The following FGF2 variants were observed in gnomAD, a reference collection of about 807,000 sequenced individuals.
The protein encoded by FGF2 is basic fibroblast growth factor bFGF.
In FGF2, 13 loss-of-function variants were observed where a neutral mutation model predicts 15.9. The observed-to-expected ratio is 0.82, with a 90% confidence interval of 0.53 to 1.30. The LOEUF (loss-of-function observed/expected upper bound fraction) is 1.30, where lower values mean the gene tolerates loss of function less well. Ranked by LOEUF, FGF2 falls within the 50% of genes most tolerant of loss-of-function variation. The probability of loss-of-function intolerance (pLI) is 0.00; values close to 1 mark genes in which losing one functional copy is unlikely to be tolerated. For synonymous variants in FGF2, 90 were observed against 78.4 expected, an observed-to-expected ratio of 1.15 and a Z score of -0.78; for missense variants, 163 against 196.9, an observed-to-expected ratio of 0.83 and a Z score of 1.03.
In FGF2 at chr4:122,827,945, A is replaced by G. The variant is rs1362199454; in HGVS notation, c.178+593A>G. Among the ~76,000 whole-genome samples, 1 of 152,238 alleles carries G rather than the reference A, an allele frequency of 6.6e-6. No individual in the cohort carries two copies. The highest frequency in any genetic ancestry group is 1.9e-4 in the East Asian group (1 of 5,198). On this transcript the variant is annotated intron_variant, in intron 1 of 2. Transcript: ENST00000644866. This position sits in a 1 kb window ranked among gnomAD's most constrained non-coding sequence, Gnocchi z 4.2. ...AGCAAAAAATCCAGATGTTGTTAAT[A>G]AAGTGCCATAGCTTTGTTTCAGTAG...
intron 1 of FGF2, among the ~76,000 whole-genome samples, chr4:122,834,539 T>C (rs887298865): frequency 6.6e-6 from 1 of 152,228 alleles, no homozygotes; most frequent in Non-Finnish European, 1.5e-5. Flanking sequence ...TACTCTGACA[T>C]GTGGCAGTAT....
intron 1 of FGF2, among the ~76,000 whole-genome samples, chr4:122,857,222 T>C (rs56189318): frequency 0.036 from 5,514 of 152,248 alleles, 180 homozygotes; most frequent in African/African-American, 0.081. Flanking sequence ...TTTCTAGCCT[T>C]TCCGTGATGC....
At chr4:122,852,138 A>G (rs1726244523) in intron 1 of FGF2, among the ~76,000 whole-genome samples, 1 of 152,186 alleles carries the variant, frequency 6.6e-6, no homozygotes, top group African/African-American at 2.4e-5. Flanking sequence ...GTGGTCTAAA[A>G]TAGTGATTTT....
chr4:122,868,270 C>A (rs1379548330), intron 1 of FGF2, among the ~76,000 whole-genome samples: 2 of 152,138 alleles, frequency 1.3e-5, no homozygotes, highest in Non-Finnish European at 2.9e-5. Context: ...TCCCTCCTTT[C>A]ACTCCCCACC....
rs950430943 is a variant in FGF2, at chr4:122,892,760, A to G, written c.*364A>G. 3.6e-6 allele frequency: 5 copies of G among 1,400,138 alleles called. No individual in the cohort carries two copies. The highest frequency in any genetic ancestry group is 2.6e-5 in the Admixed American group (1 of 38,890). The allele number at this position is 1,400,138 out of a possible 1,614,324, so 86.7% of individuals were successfully genotyped here. A position where few individuals can be genotyped will look rare whatever the true frequency, so the allele number is the denominator to read the frequency against. ...AAAATCACAGTCAGATGTTTAATCA[A>G]TCCAAAATGTCCACTATTTCTTATG... On this transcript the variant is annotated 3_prime_UTR_variant, in exon 3 of 3. Transcript: ENST00000644866.
rs1726550892 is a variant in FGF2, at chr4:122,865,291, TTGTTTTG to T, written c.179-11028_179-11022del. On this transcript the variant is annotated intron_variant, in intron 1 of 2. Transcript: ENST00000644866. ...TCTCTGTTTTTTTTTGTTTGTTTGT[TTGTTTTG>T]TTGTTGTTGTTGAGACAGGGTCTTC... Among the ~76,000 whole-genome samples, 5 of 152,080 alleles carry T rather than the reference TTGTTTTG, an allele frequency of 3.3e-5. No homozygotes were observed. In the South Asian group the frequency reaches 1.0e-3, roughly 32 times the overall value.
At chr4:122,852,236 T>C (rs962097830) in intron 1 of FGF2, among the ~76,000 whole-genome samples, 1 of 152,196 alleles carries the variant, frequency 6.6e-6, no homozygotes, top group Non-Finnish European at 1.5e-5. Flanking sequence ...TGCAGTCAAG[T>C]GGTCACGGGG....
chr4:122,832,415 T>G lies in FGF2; in HGVS notation c.178+5063T>G, dbSNP rs1463690350. On this transcript the variant is annotated intron_variant, in intron 1 of 2. Coordinates refer to ENST00000644866, the MANE Select transcript of FGF2 (RefSeq NM_001361665.2). Reference sequence around the variant, plus strand: ...ACCTGCCACCGCACCCAGCTAATTTTTGCATTTTTAGTAGAGACGGGATTT... The same window carrying G: ...ACCTGCCACCGCACCCAGCTAATTTGTGCATTTTTAGTAGAGACGGGATTT... Among the ~76,000 whole-genome samples, 3 of 149,216 alleles carry G rather than the reference T, an allele frequency of 2.0e-5. No individual in the cohort carries two copies. In the East Asian group the frequency reaches 5.8e-4, roughly 29 times the overall value.
At chr4:122,842,471 A>T (rs41501654) in intron 1 of FGF2, among the ~76,000 whole-genome samples, 5,677 of 152,312 alleles carry the variant, frequency 0.037, 180 homozygotes, top group Non-Finnish European at 0.053. Flanking sequence ...GAACCACATG[A>T]CAGTGAAAAT....
intron 2 of FGF2, among the ~76,000 whole-genome samples, chr4:122,881,332 A>AT (rs1198192700): frequency 6.6e-6 from 1 of 152,044 alleles, no homozygotes; most frequent in African/African-American, 2.4e-5. Flanking sequence ...AGAAAATGGG[A>AT]TTTTCTTTTC....
chr4:122,862,849 G>A (rs115575399), intron 1 of FGF2, among the ~76,000 whole-genome samples: 2,172 of 152,216 alleles, frequency 0.014, 55 homozygotes, highest in African/African-American at 0.049. Context: ...GGTCTTAGTG[G>A]ATTTAATATC....
At chr4:122,847,205 A>G (rs77619882) in intron 1 of FGF2, among the ~76,000 whole-genome samples, 3,794 of 152,308 alleles carry the variant, frequency 0.025, 173 homozygotes, top group African/African-American at 0.086. Context: ...AATCAAATAT[A>G]TTCTCCATGA....
intron 1 of FGF2, among the ~76,000 whole-genome samples, chr4:122,875,453 A>G (rs1423088340): frequency 8.7e-6 from 1 of 115,020 alleles, no homozygotes; most frequent in Non-Finnish European, 2.0e-5. Flanking sequence ...AAAATCCCAT[A>G]TAGAAAGCTA....
At chr4:122,853,643 G>T (rs1578461647) in intron 1 of FGF2, among the ~76,000 whole-genome samples, 1 of 120,632 alleles carries the variant, frequency 8.3e-6, no homozygotes, top group East Asian at 2.0e-4. Flanking sequence ...ACTGTCTTTT[G>T]TTCACCACAC....
intron 2 of FGF2, among the ~76,000 whole-genome samples, chr4:122,877,531 C>T (rs573635316): frequency 4.5e-4 from 69 of 152,280 alleles, no homozygotes; most frequent in African/African-American, 1.3e-3. Flanking sequence ...TTATTAGAAA[C>T]GGGACTGCAT....
At chr4:122,843,618 A>C (rs1009407106) in intron 1 of FGF2, among the ~76,000 whole-genome samples, 2 of 152,194 alleles carry the variant, frequency 1.3e-5, no homozygotes, top group Non-Finnish European at 2.9e-5. Context: ...TTTCCTGAAC[A>C]TAGTAAGTGA....
chr4:122,888,490 A>G (rs1420660225), intron 2 of FGF2, among the ~76,000 whole-genome samples: 1 of 152,194 alleles, frequency 6.6e-6, no homozygotes, highest in Non-Finnish European at 1.5e-5. Context: ...TATTTACAAT[A>G]GCCTACAAAA....
At chr4:122,851,632 A>G (rs971285482) in intron 1 of FGF2, among the ~76,000 whole-genome samples, 1 of 152,230 alleles carries the variant, frequency 6.6e-6, no homozygotes, top group Non-Finnish European at 1.5e-5. Context: ...GACTGTCTAA[A>G]TAGGGGCTAG....
intron 1 of FGF2, among the ~76,000 whole-genome samples, chr4:122,872,397 G>A (rs759890078): frequency 4.6e-5 from 7 of 151,980 alleles, no homozygotes; most frequent in Non-Finnish European, 1.0e-4. Context: ...ACCTACTATC[G>A]ATTGGAGTAC....
Sources: allele counts gnomAD v4.1 joint callset (sites outside exome capture counted in the v4.1 genomes callset), GRCh38; gene constraint gnomAD v4.1.1; non-coding constraint Gnocchi (gnomAD v3.1); transcripts MANE v1.5; gene names NCBI Gene and HGNC (gene_info 2026-07-23, HGNC 2026-07-21).